The following PPFIA1 variants were observed in gnomAD, a reference collection of about 807,000 sequenced individuals.
The protein encoded by PPFIA1 is PPFI scaffold protein A1.
PPFIA1 carries 25 observed loss-of-function variants against 149.9 expected under a neutral mutation model. That is an observed-to-expected ratio of 0.17 (90% CI 0.12 to 0.23). The LOEUF (loss-of-function observed/expected upper bound fraction) is 0.23, where lower values mean the gene tolerates loss of function less well. PPFIA1 is among the 10% of genes least tolerant of loss of function. The pLI is 1.00. For missense variants in PPFIA1, 1,362 were observed against 1,506.5 expected, an observed-to-expected ratio of 0.90 and a Z score of 1.59; for synonymous variants, 549 against 552.8, an observed-to-expected ratio of 0.99 and a Z score of 0.10.
chr11:70,326,242 A>G lies in PPFIA1; in HGVS notation c.607-20A>G, dbSNP rs2054278324. ...CTTATGTAAGGTATTTTACACTCAT[A>G]TTCAATTTTTTGCTTTCAGCTAATG... On this transcript the variant is annotated intron_variant, in intron 5 of 27. Transcript: ENST00000253925. The G allele has an allele frequency of 7.0e-7, 1 of 1,418,456 alleles. No homozygotes were observed. The highest frequency in any genetic ancestry group is 9.8e-7 in the Non-Finnish European group (1 of 1,021,732). 87.9% of individuals were successfully genotyped at this position (1,418,456 alleles called of 1,614,324 possible). A position where few individuals can be genotyped will look rare whatever the true frequency, so the allele number is the denominator to read the frequency against.
In PPFIA1 at chr11:70,372,335, C is replaced by A. The variant is rs1472421200; in HGVS notation, c.2986C>A (p.His996Asn). The A allele has an allele frequency of 1.2e-6, 2 of 1,614,182 alleles. No individual in the cohort carries two copies. Among genetic ancestry groups the A allele is most frequent in the Admixed American group, 3.3e-5 (2 of 60,016 alleles). Residue 996 changes from histidine (H) to asparagine (N), a missense_variant, in exon 22 of 28, where the codon CAC becomes AAC. His to Asn is a moderately conservative substitution (Grantham distance 68). This residue lies in a region of PPFIA1 where 349 missense variants were observed against 373.3 expected (regional missense o/e 0.93). Transcript: ENST00000253925. ...ECLVDARMLD[H>N]LTKKDLRGQL... ...CCTTGTAGACGCCAGGATGCTGGAC[C>A]ACTTGACCAAGAAAGACCTTCGAGG...
chr11:70,315,224 C>A (rs2053531744), intron 2 of PPFIA1, among the ~76,000 whole-genome samples: 1 of 152,148 alleles, frequency 6.6e-6, no homozygotes, highest in South Asian at 2.1e-4. Context: ...GATTGAAAAG[C>A]CAGTGCTACT....
rs1477829464 is a variant in PPFIA1, at chr11:70,330,092, C to T, written c.931-81C>T. On this transcript the variant is annotated intron_variant, in intron 7 of 27. Coordinates refer to ENST00000253925, the MANE Select transcript of PPFIA1 (RefSeq NM_003626.5). ...TTGATTGGAAATTTGGGATTTACTT[C>T]AGTTTTTTTCTCTCTTAAGTATCTT... 4.6e-6 allele frequency: 6 copies of T among 1,298,572 alleles called. No individual in the cohort carries two copies. In the Admixed American group the frequency reaches 1.0e-4, roughly 22 times the overall value. 80.4% of individuals were successfully genotyped at this position (1,298,572 alleles called of 1,614,324 possible).
At chr11:70,362,617 T>G in intron 21 of PPFIA1, 129 bp downstream of exon 21, 1 of 885,280 alleles carries the variant, frequency 1.1e-6, no homozygotes, top group Non-Finnish European at 1.6e-6. Flanking sequence ...TTCAAAATTT[T>G]AGCATCACAT....
chr11:70,338,043 G>A (rs1383252236), intron 12 of PPFIA1, among the ~76,000 whole-genome samples: 2 of 152,208 alleles, frequency 1.3e-5, no homozygotes, highest in Admixed American at 6.5e-5. Context: ...TGCACAGGAC[G>A]TGAATATTGT....
intron 19 of PPFIA1, among the ~76,000 whole-genome samples, chr11:70,359,082 T>C (rs1184254662): frequency 6.6e-6 from 1 of 152,228 alleles, no homozygotes; most frequent in Non-Finnish European, 1.5e-5. Context: ...AGAGGATCTT[T>C]TTATTTTTTT....
chr11:70,287,502 T>G (rs1360906725), intron 2 of PPFIA1, among the ~76,000 whole-genome samples: 1 of 152,006 alleles, frequency 6.6e-6, no homozygotes, highest in Non-Finnish European at 1.5e-5. Flanking sequence ...GCTAAGTTTT[T>G]TTTTTTTTAG....
chr11:70,281,937 G>T (rs1008836403), intron 2 of PPFIA1, among the ~76,000 whole-genome samples: 1 of 152,170 alleles, frequency 6.6e-6, no homozygotes, highest in East Asian at 1.9e-4. Flanking sequence ...TGCTCTCTCT[G>T]TCTGCAGCAT....
At chr11:70,347,799 C>T (rs531727410) in intron 15 of PPFIA1, among the ~76,000 whole-genome samples, 198 of 151,890 alleles carry the variant, frequency 1.3e-3, no homozygotes, top group Non-Finnish European at 2.4e-3. Flanking sequence ...GTTGGAAGTT[C>T]GAGACCAGCC....
intron 2 of PPFIA1, chr11:70,283,932 G>C (rs1467974967): frequency 2.0e-6 from 1 of 496,946 alleles, no homozygotes; most frequent in African/African-American, 1.9e-5. Flanking sequence ...AAGTGTCCAG[G>C]TTTAGGTATA....
intron 19 of PPFIA1, among the ~76,000 whole-genome samples, chr11:70,361,830 G>A (rs1345816699): frequency 1.4e-5 from 2 of 146,548 alleles, no homozygotes; most frequent in African/African-American, 5.1e-5. Flanking sequence ...TCATTATATT[G>A]CCCAGGCTGC....
At chr11:70,309,084 T>G (rs1425119187) in intron 2 of PPFIA1, among the ~76,000 whole-genome samples, 2 of 149,188 alleles carry the variant, frequency 1.3e-5, no homozygotes, top group Non-Finnish European at 3.0e-5. Context: ...TTTCTTTGGG[T>G]TTTTTTTTAC....
chr11:70,344,165 G>A (rs1007073080), intron 15 of PPFIA1, among the ~76,000 whole-genome samples: 17 of 152,194 alleles, frequency 1.1e-4, no homozygotes, highest in Admixed American at 1.3e-4. Context: ...TGAGAAGCTC[G>A]CCACATAGCT....
chr11:70,329,906 T>C (rs1468756711), intron 7 of PPFIA1: 1 of 355,938 alleles, frequency 2.8e-6, no homozygotes, highest in East Asian at 6.5e-5. Context: ...CCATCCTAGG[T>C]GATAGAGGGA....
intron 12 of PPFIA1, among the ~76,000 whole-genome samples, chr11:70,337,717 T>C (rs1400775813): frequency 6.6e-6 from 1 of 152,258 alleles, no homozygotes; most frequent in Non-Finnish European, 1.5e-5. Context: ...TAATATGAGC[T>C]GCATATGTAA....
intron 2 of PPFIA1, among the ~76,000 whole-genome samples, chr11:70,301,819 T>C (rs924172756): frequency 3.9e-5 from 6 of 152,248 alleles, no homozygotes; most frequent in African/African-American, 9.6e-5. Context: ...AAACCATTCA[T>C]AGAGCTCTCG....
At chr11:70,317,857 T>C (rs1299060577) in intron 2 of PPFIA1, among the ~76,000 whole-genome samples, 1 of 152,190 alleles carries the variant, frequency 6.6e-6, no homozygotes, top group African/African-American at 2.4e-5. Context: ...GGACTTAGGC[T>C]TTGACTAGGG....
At chr11:70,301,732 T>C (rs1270560125) in intron 2 of PPFIA1, among the ~76,000 whole-genome samples, 1 of 152,188 alleles carries the variant, frequency 6.6e-6, no homozygotes. Context: ...AAATTCTTAA[T>C]AAAGGACCTT....
intron 26 of PPFIA1, chr11:70,380,983 T>G (rs2057691422): frequency 6.6e-6 from 1 of 152,084 alleles, no homozygotes; most frequent in African/African-American, 2.4e-5. Context: ...GAATTTTTTG[T>G]AGAGATGGGC....
Sources: allele counts gnomAD v4.1 joint callset (sites outside exome capture counted in the v4.1 genomes callset), GRCh38; gene constraint gnomAD v4.1.1; regional missense constraint gnomAD v4.1.1; transcripts MANE v1.5; gene names NCBI Gene and HGNC (gene_info 2026-07-23, HGNC 2026-07-21).